The following LPXN variants were observed in gnomAD, a reference collection of about 807,000 sequenced individuals.
The protein encoded by LPXN is leupaxin.
LPXN carries 28 observed loss-of-function variants against 45.6 expected under a neutral mutation model. The observed-to-expected ratio is 0.61, with a 90% CI of 0.45 to 0.84. The LOEUF is 0.84. LPXN is among the 40% of genes least tolerant of loss of function. LPXN has a pLI of 0.00. For missense variants in LPXN, 459 were observed against 475.0 expected (o/e 0.97, Z 0.31); for synonymous variants, 166 against 169.9 (o/e 0.98, Z 0.18).
At chr11:58,575,725 C>T in intron 1 of LPXN, 35 bp downstream of exon 1, 1 of 1,613,690 alleles carries the variant, frequency 6.2e-7, no homozygotes, top group Non-Finnish European at 8.5e-7. Context: ...CAAGTCTTCA[C>T]TCCCTCAGAG....
Position 58,569,381 on chromosome 11 carries a change from G to GT in LPXN, c.171+1174dup, listed in dbSNP as rs895323281. Among the ~76,000 whole-genome samples the GT allele has an allele frequency of 3.9e-4, 58 of 147,380 alleles. 1 individual carries two copies. Among genetic ancestry groups the GT allele is most frequent in the South Asian group, 1.5e-3 (7 of 4,648 alleles). On this transcript the variant is annotated intron_variant, in intron 2 of 8. Transcript: ENST00000395074. ...ACTGTAAATTTGATTTCTGAGTTTT[G>GT]TTTTTTTTTTGTTTGTTTGTTTTTT...
chr11:58,571,660 T>C (rs1854704300), intron 1 of LPXN, among the ~76,000 whole-genome samples: 2 of 149,378 alleles, frequency 1.3e-5, no homozygotes, highest in African/African-American at 5.0e-5. Context: ...TTCAGTTTTT[T>C]TTCTTTTTTT....
At chr11:58,577,771 A>T (rs1854946519), upstream of LPXN, among the ~76,000 whole-genome samples, 1 of 151,634 alleles carries the variant, frequency 6.6e-6, no homozygotes, top group South Asian at 2.1e-4. Context: ...GTCACCAGTC[A>T]TGTCACGCTC....
chr11:58,546,856 T>G (rs1853889440), intron 7 of LPXN, among the ~76,000 whole-genome samples: 1 of 152,198 alleles, frequency 6.6e-6, no homozygotes, highest in Non-Finnish European at 1.5e-5. Context: ...CAAAGATTAC[T>G]TGTACAATTC....
chr11:58,541,027 C>A (rs996413359), intron 7 of LPXN, among the ~76,000 whole-genome samples: 1 of 152,046 alleles, frequency 6.6e-6, no homozygotes, highest in African/African-American at 2.4e-5. Flanking sequence ...ACACCTTATA[C>A]AAAAATTAAT....
At chr11:58,565,340 C>T (rs935897309) in intron 2 of LPXN, among the ~76,000 whole-genome samples, 6 of 152,074 alleles carry the variant, frequency 3.9e-5, no homozygotes, top group South Asian at 2.1e-4. Context: ...GAGATCATCA[C>T]GGCTAACATG....
Position 58,528,074 on chromosome 11 carries a change from G to A in LPXN, c.860C>T (p.Thr287Ile), listed in dbSNP as rs749999522. 6.2e-7 allele frequency: 1 copy of A among 1,614,196 alleles called. No homozygotes were observed. Among genetic ancestry groups the A allele is most frequent in the Non-Finnish European group, 8.5e-7 (1 of 1,180,034 alleles). The change falls in exon 8 of 9, where the codon ACT becomes ATT. Residue 287 changes from threonine (T) to isoleucine (I), a missense_variant. Coordinates refer to ENST00000395074, the MANE Select transcript of LPXN (RefSeq NM_004811.3). ...AACAAAGCACTCTGGGTGCCAGACAGTGTCCATGGCTGAAAGGTAGTTTTC... is the reference window on the plus strand; with the variant it reads ...AACAAAGCACTCTGGGTGCCAGACAATGTCCATGGCTGAAAGGTAGTTTTC... ...VLENYLSAMDTVWHPECFVCG... is the reference protein window; with the variant it reads ...VLENYLSAMDIVWHPECFVCG...
chr11:58,575,471 GACA>G (rs1172522907), intron 1 of LPXN, among the ~76,000 whole-genome samples: 2 of 152,210 alleles, frequency 1.3e-5, no homozygotes, highest in Non-Finnish European at 2.9e-5. Context: ...CCCATAACAA[GACA>G]ACAACTGCAG....
intron 7 of LPXN, among the ~76,000 whole-genome samples, chr11:58,548,284 C>G (rs1457694262): frequency 6.6e-6 from 1 of 151,932 alleles, no homozygotes; most frequent in Non-Finnish European, 1.5e-5. Flanking sequence ...ACATGGGACC[C>G]AGGAAACAGA....
At chr11:58,551,385 C>A (rs1284175348) in intron 4 of LPXN, among the ~76,000 whole-genome samples, 153 bp from the exon 5 acceptor site, 1 of 152,184 alleles carries the variant, frequency 6.6e-6, no homozygotes, top group African/African-American at 2.4e-5. Context: ...AATTTCAACA[C>A]CAATAAAAAT....
At chr11:58,550,791 C>T (rs1035248063) in intron 5 of LPXN, among the ~76,000 whole-genome samples, 1 of 152,180 alleles carries the variant, frequency 6.6e-6, no homozygotes, top group East Asian at 1.9e-4. Context: ...TTACCTCTAC[C>T]TCTTATTATG....
chr11:58,546,831 C>T (rs1370543659), intron 7 of LPXN, among the ~76,000 whole-genome samples: 1 of 152,104 alleles, frequency 6.6e-6, no homozygotes, highest in African/African-American at 2.4e-5. Context: ...CAAAACATCC[C>T]TCCAAACAGG....
chr11:58,565,259 C>A (rs1026487989), intron 2 of LPXN, among the ~76,000 whole-genome samples: 1 of 151,986 alleles, frequency 6.6e-6, no homozygotes, highest in African/African-American at 2.4e-5. Context: ...ATTGGACGGG[C>A]GTGGTGGCTC....
At chr11:58,539,408 T>C (rs1164915585) in intron 7 of LPXN, among the ~76,000 whole-genome samples, 1 of 152,174 alleles carries the variant, frequency 6.6e-6, no homozygotes, top group Non-Finnish European at 1.5e-5. Flanking sequence ...TGCTAATTTT[T>C]AAATATCCTC....
intron 7 of LPXN, among the ~76,000 whole-genome samples, chr11:58,548,304 G>A (rs769080192): frequency 6.6e-6 from 1 of 152,060 alleles, no homozygotes. Flanking sequence ...AGCATCCAAA[G>A]AGGAAACTAA....
In LPXN at chr11:58,527,438, T is replaced by A. The variant is rs766132273; in HGVS notation, c.*16A>T. On this transcript the variant is annotated 3_prime_UTR_variant, in exon 9 of 9. Coordinates refer to ENST00000395074, the MANE Select transcript of LPXN (RefSeq NM_004811.3). ...AATTTTATAAGGAATCTGAAGAGGCTATGGATCAGTTGGCATTACAGTGGG... is the reference window on the plus strand; with the variant it reads ...AATTTTATAAGGAATCTGAAGAGGCAATGGATCAGTTGGCATTACAGTGGG... The A allele has an allele frequency of 3.7e-5, 59 of 1,613,618 alleles. No individual in the cohort carries two copies. Among genetic ancestry groups the A allele is most frequent in the Non-Finnish European group, 5.0e-5 (59 of 1,179,636 alleles).
chr11:58,545,800 G>C (rs1163919761), intron 7 of LPXN, among the ~76,000 whole-genome samples: 1 of 152,148 alleles, frequency 6.6e-6, no homozygotes, highest in Non-Finnish European at 1.5e-5. Flanking sequence ...TTGAAATCTT[G>C]CCTCTTCAAC....
chr11:58,565,271 C>T (rs1189556517), intron 2 of LPXN, among the ~76,000 whole-genome samples: 1 of 151,852 alleles, frequency 6.6e-6, no homozygotes, highest in Non-Finnish European at 1.5e-5. Flanking sequence ...TGGTGGCTCA[C>T]GCCCGTAATC....
chr11:58,555,739 A>AACACAC (rs139423306), intron 3 of LPXN, among the ~76,000 whole-genome samples: 2 of 135,298 alleles, frequency 1.5e-5, no homozygotes, highest in African/African-American at 2.7e-5. Flanking sequence ...TAGCAATGAA[A>AACACAC]ACACACACAC....
Sources: gnomAD v4.1 joint callset for allele counts (sites outside exome capture counted in the v4.1 genomes callset) on GRCh38, gnomAD v4.1.1 for gene constraint, MANE v1.5 for transcripts, NCBI Gene and HGNC (gene_info 2026-07-23, HGNC 2026-07-21) for gene names.